Variants in MYBPC1 observed in about 807,000 individuals in gnomAD.
MYBPC1 encodes the protein myosin binding protein C1.
A neutral mutation model predicts 147.1 loss-of-function variants in MYBPC1; 52 were observed. The observed-to-expected ratio is 0.35, with a 90% CI of 0.28 to 0.45. The LOEUF (loss-of-function observed/expected upper bound fraction) is 0.45, where lower values mean the gene tolerates loss of function less well. Among genes scored for constraint, MYBPC1 ranks in the 20% least tolerant of loss-of-function variants. The pLI is 1.00. For missense variants in MYBPC1, 1,228 were observed against 1,440.3 expected (o/e 0.85, Z 2.39); for synonymous variants, 477 against 475.9 (o/e 1.00, Z -0.03).
chr12:101,687,559 G>A (rs1164884510), downstream of MYBPC1, among the ~76,000 whole-genome samples: 6 of 152,128 alleles, frequency 3.9e-5, no homozygotes, highest in East Asian at 9.6e-4. Context: ...AGAAAGCTAC[G>A]TGCACAGTAT....
Position 101,646,928 on chromosome 12 carries a change from G to T in MYBPC1, c.1090+41G>T, listed in dbSNP as rs370254719. Reference sequence around the variant, plus strand: ...CTTATTGTGGTCACCAGGAGCTGTTGGCTTCTTCTCCCAGGGATAATGATC... The same window carrying T: ...CTTATTGTGGTCACCAGGAGCTGTTTGCTTCTTCTCCCAGGGATAATGATC... On this transcript the variant is annotated intron_variant, in intron 13 of 31. Transcript: ENST00000361466. The T allele has an allele frequency of 6.8e-6, 11 of 1,611,388 alleles. No homozygotes were observed. In the Admixed American group the frequency reaches 1.5e-4, roughly 22 times the overall value.
At chr12:101,662,044 A>G (rs1896671929) in intron 20 of MYBPC1, among the ~76,000 whole-genome samples, 1 of 152,138 alleles carries the variant, frequency 6.6e-6, no homozygotes, top group African/African-American at 2.4e-5. Context: ...GCTGGGACTC[A>G]GAGTCAACTA....
At chr12:101,643,491 T>C (rs825059) in intron 11 of MYBPC1, among the ~76,000 whole-genome samples, 92,340 of 151,936 alleles carry the variant, frequency 0.61, 28,969 homozygotes, top group African/African-American at 0.76. Flanking sequence ...TCCTAAGGTG[T>C]GTGGTAGATG....
chr12:101,637,407 C>A (rs1013778145), intron 10 of MYBPC1, among the ~76,000 whole-genome samples: 1 of 152,006 alleles, frequency 6.6e-6, no homozygotes, highest in Non-Finnish European at 1.5e-5. Context: ...TATAAGATTT[C>A]TCTCCATATA....
rs1169857542 is a variant in MYBPC1 at position 101,670,236 on chromosome 12, G to C, written c.2525-85G>C. 5 of 1,026,926 alleles carry C rather than the reference G, an allele frequency of 4.9e-6. No homozygotes were observed. The African/African-American group carries it at 7.9e-5, about 16-fold the overall frequency. 63.6% of individuals were successfully genotyped at this position (1,026,926 alleles called of 1,614,324 possible). A position where few individuals can be genotyped will look rare whatever the true frequency, so the allele number is the denominator to read the frequency against. On this transcript the variant is annotated intron_variant, in intron 23 of 31. Coordinates refer to ENST00000361466, the MANE Select transcript of MYBPC1 (RefSeq NM_002465.4). ...AGAGATATGCCACAAGGGTACGCTG[G>C]TGAGCATCATGCCATTTTGCTTTTG...
intron 1 of MYBPC1, among the ~76,000 whole-genome samples, chr12:101,607,101 G>A (rs770073409): frequency 4.6e-5 from 7 of 152,234 alleles, no homozygotes; most frequent in African/African-American, 4.8e-5. Flanking sequence ...GATCATAGGC[G>A]AGAGCCACTG....
At chr12:101,682,695 A>G in intron 30 of MYBPC1, 33 bp downstream of exon 30, 2 of 1,565,818 alleles carry the variant, frequency 1.3e-6, no homozygotes, top group Non-Finnish European at 1.8e-6. Context: ...TGGATATTCT[A>G]CTTTCCGTTC....
intron 16 of MYBPC1, 134 bp from the exon 17 acceptor site, chr12:101,652,544 C>G: frequency 1.5e-6 from 1 of 668,778 alleles, no homozygotes; most frequent in Non-Finnish European, 2.7e-6. Context: ...CTCTCTCTCT[C>G]TTTCTCTCTC....
chr12:101,664,396 C>T (rs1354897493), intron 22 of MYBPC1: 1 of 152,180 alleles, frequency 6.6e-6, no homozygotes, highest in Non-Finnish European at 1.5e-5. Context: ...GGTAAACAAT[C>T]TCCCAGGAAA....
intron 28 of MYBPC1, among the ~76,000 whole-genome samples, chr12:101,679,298 G>A (rs948796210): frequency 6.6e-6 from 1 of 152,202 alleles, no homozygotes; most frequent in Non-Finnish European, 1.5e-5. Flanking sequence ...GAGCCTAGGA[G>A]AAAGGCCAGG....
At chr12:101,632,222 T>C (rs1195230604) in intron 8 of MYBPC1, 84 bp downstream of exon 8, 3 of 977,494 alleles carry the variant, frequency 3.1e-6, no homozygotes, top group African/African-American at 3.2e-5. Flanking sequence ...TTTAATACTA[T>C]GAGATTTCAG....
chr12:101,691,437 C>G, the MYBPC1 span, among the ~76,000 whole-genome samples: 1 of 152,204 alleles, frequency 6.6e-6, no homozygotes, highest in Admixed American at 6.5e-5. Flanking sequence ...CCATGGGCTT[C>G]CAACTGGTTA....
intron 10 of MYBPC1, among the ~76,000 whole-genome samples, chr12:101,638,121 A>T (rs1891358706): frequency 6.6e-6 from 1 of 152,194 alleles, no homozygotes. Flanking sequence ...ACTCCATATT[A>T]AAGATACCAC....
chr12:101,631,659 C>G lies in MYBPC1; in HGVS notation c.378C>G (p.Asp126Glu). ...AATGGTTCAAAGGAAAATGGATGGA[C>G]CTGGCCAGCAAAGCCGGGAAGCACC... is the stretch of plus-strand genomic sequence containing the variant. Reference protein sequence around the residue: ...TIKWFKGKWMDLASKAGKHLQ... With the variant: ...TIKWFKGKWMELASKAGKHLQ... The change falls in exon 7 of 32, where the codon GAC (aspartate) becomes GAG (glutamate). Residue 126 changes from aspartate to glutamate, a missense_variant. By Grantham distance (45) the Asp-to-Glu change is conservative. Transcript: ENST00000361466. 6.2e-7 allele frequency: 1 copy of G among 1,614,206 alleles called. No individual in the cohort carries two copies. Among genetic ancestry groups the G allele is most frequent in the Non-Finnish European group, 8.5e-7 (1 of 1,180,040 alleles).
rs780173032 is a variant in MYBPC1 at position 101,677,407 on chromosome 12, T to G, written c.3109+13T>G. 1 of 1,613,618 alleles carries G rather than the reference T, an allele frequency of 6.2e-7. No individual in the cohort carries two copies. The highest frequency in any genetic ancestry group is 1.3e-5 in the African/African-American group (1 of 74,872). ...ATCGCCAGGGATGGTGAGTTGGGAATGGACTGACATTTGAAAACCTTGGTT... is the reference window on the plus strand; with the variant it reads ...ATCGCCAGGGATGGTGAGTTGGGAAGGGACTGACATTTGAAAACCTTGGTT... On this transcript the variant is annotated intron_variant, in intron 27 of 31. Coordinates refer to ENST00000361466, the MANE Select transcript of MYBPC1 (RefSeq NM_002465.4).
chr12:101,674,407 G>C (rs991544382), intron 25 of MYBPC1, among the ~76,000 whole-genome samples: 2 of 152,064 alleles, frequency 1.3e-5, no homozygotes, highest in Non-Finnish European at 2.9e-5. Flanking sequence ...AAATTGAACA[G>C]TTAAATACTG....
intron 13 of MYBPC1, among the ~76,000 whole-genome samples, chr12:101,647,715 C>T (rs1893508183): frequency 6.6e-6 from 1 of 152,102 alleles, no homozygotes; most frequent in Non-Finnish European, 1.5e-5. Flanking sequence ...GGTAAAATCT[C>T]GTCTCTACTG....
intron 20 of MYBPC1, among the ~76,000 whole-genome samples, chr12:101,662,010 C>A (rs1304485797): frequency 6.6e-6 from 1 of 151,902 alleles, no homozygotes; most frequent in African/African-American, 2.4e-5. Context: ...CAAAACTGGT[C>A]ATTTCCCTCT....
At chr12:101,661,419 CT>C (rs1896530958) in intron 20 of MYBPC1, among the ~76,000 whole-genome samples, 157 bp downstream of exon 20, 1 of 152,126 alleles carries the variant, frequency 6.6e-6, no homozygotes, top group African/African-American at 2.4e-5. Flanking sequence ...TTGAGATGCT[CT>C]GTAATTACTC....
Sources: gnomAD v4.1 joint callset for allele counts (sites outside exome capture counted in the v4.1 genomes callset) on GRCh38, gnomAD v4.1.1 for gene constraint, MANE v1.5 for transcripts, NCBI Gene and HGNC (gene_info 2026-07-23, HGNC 2026-07-21) for gene names.